MCC: variants seen among roughly 807,000 people sequenced by gnomAD.
MCC encodes colorectal mutant cancer protein.
Under a neutral mutation model 116.2 loss-of-function variants are expected in MCC, and 90 were observed. The ratio of observed to expected loss-of-function variants is 0.77; its 90% CI spans 0.65 to 0.92. The LOEUF (loss-of-function observed/expected upper bound fraction) is 0.92, where lower values mean the gene tolerates loss of function less well. Among genes scored for constraint, MCC ranks in the 40% least tolerant of loss-of-function variants. MCC has a pLI of 0.00. For missense variants in MCC, 1,516 were observed against 1,312.2 expected (o/e 1.16, Z -2.40); for synonymous variants, 578 against 510.5 (o/e 1.13, Z -1.78).
chr5:113,071,088 G>GCCTCGCGCTGTCTT lies in MCC; in HGVS notation c.1925+5_1925+6insAAGACAGCGCGAGG, dbSNP rs11283943. The GCCTCGCGCTGTCTT allele has an allele frequency of 0.34, 536,220 of 1,599,818 alleles. 92,075 individuals carry two copies. The highest frequency in any genetic ancestry group is 0.35 in the South Asian group (31,680 of 89,462). ...AGTAGCTCCAAACATCCCAGTGTGT[G>GCCTCGCGCTGTCTT]CCTACCTGTACTGCAAGGCCAGCCT... is the stretch of plus-strand genomic sequence containing the variant. On this transcript the variant is annotated splice_donor_region_variant and intron_variant, in intron 12 of 18. Transcript: ENST00000408903.
At chr5:113,295,327 T>G (rs992403314) in intron 3 of MCC, among the ~76,000 whole-genome samples, 1 of 152,170 alleles carries the variant, frequency 6.6e-6, no homozygotes, top group African/African-American at 2.4e-5. Flanking sequence ...TGCAGGGCAG[T>G]CATTTTCCCT....
chr5:113,049,340 T>A, intron 15 of MCC, 41 bp from the exon 16 acceptor site: 1 of 1,481,038 alleles, frequency 6.8e-7, no homozygotes, highest in Non-Finnish European at 9.1e-7. Context: ...GCATGCCCTA[T>A]CTGAGAGCAG....
At chr5:113,112,775 CTACA>C (rs1304837046) in intron 6 of MCC, among the ~76,000 whole-genome samples, 19 of 152,164 alleles carry the variant, frequency 1.2e-4, no homozygotes, top group Non-Finnish European at 2.5e-4. Flanking sequence ...AACATGTGCT[CTACA>C]AACACTGGAT....
intron 11 of MCC, among the ~76,000 whole-genome samples, chr5:113,078,391 T>C (rs187905615): frequency 5.9e-5 from 9 of 152,300 alleles, no homozygotes; most frequent in East Asian, 5.8e-4. Context: ...CTGATGAACA[T>C]TGATGCAAAG....
At chr5:113,393,185 C>T (rs1769444153) in intron 1 of MCC, among the ~76,000 whole-genome samples, 1 of 152,110 alleles carries the variant, frequency 6.6e-6, no homozygotes, top group Non-Finnish European at 1.5e-5. Context: ...GCTTGACATG[C>T]ATTTGTAATG....
chr5:113,030,958 T>C (rs1038511731), intron 17 of MCC, among the ~76,000 whole-genome samples: 1 of 152,232 alleles, frequency 6.6e-6, no homozygotes, highest in East Asian at 1.9e-4. Context: ...GTTAGAGTCA[T>C]GTAGGAACGG....
intron 1 of MCC, chr5:113,435,694 T>C (rs1014558504): frequency 1.3e-5 from 2 of 152,406 alleles, no homozygotes; most frequent in East Asian, 1.9e-4. Context: ...TCTCTTCCCT[T>C]GTCTGAGCCT....
At chr5:113,110,284 A>C (rs943100950) in intron 6 of MCC, among the ~76,000 whole-genome samples, 2 of 152,344 alleles carry the variant, frequency 1.3e-5, no homozygotes, top group Admixed American at 1.3e-4. Flanking sequence ...CGGTGACTGG[A>C]TCAGGGAAAG....
intron 3 of MCC, among the ~76,000 whole-genome samples, chr5:113,245,497 T>A (rs1764540657): frequency 6.6e-6 from 1 of 151,934 alleles, no homozygotes; most frequent in Non-Finnish European, 1.5e-5. Flanking sequence ...TAGAATTTAG[T>A]CCTTGCCACA....
At chr5:113,111,544 T>C (rs1298198252) in intron 6 of MCC, among the ~76,000 whole-genome samples, 11 of 152,250 alleles carry the variant, frequency 7.2e-5, no homozygotes, top group African/African-American at 2.7e-4. Flanking sequence ...CTTATTTTTA[T>C]TAATCTGCCT....
At chr5:113,246,763 T>A (rs1485646687) in intron 3 of MCC, among the ~76,000 whole-genome samples, 1 of 152,244 alleles carries the variant, frequency 6.6e-6, no homozygotes, top group Admixed American at 6.5e-5. Flanking sequence ...GTGTTACTTC[T>A]GTAAAGCACT....
intron 5 of MCC, among the ~76,000 whole-genome samples, chr5:113,124,406 T>C (rs1227641244): frequency 6.6e-6 from 1 of 152,216 alleles, no homozygotes; most frequent in Non-Finnish European, 1.5e-5. Context: ...GATGAATAAA[T>C]TACCTTTGTT....
At chr5:113,349,597 G>A (rs1353279150) in intron 2 of MCC, among the ~76,000 whole-genome samples, 1 of 152,006 alleles carries the variant, frequency 6.6e-6, no homozygotes, top group Non-Finnish European at 1.5e-5. Context: ...CATACTAAAT[G>A]GGGAAAAATT....
intron 5 of MCC, among the ~76,000 whole-genome samples, chr5:113,140,018 C>G (rs1027488495): frequency 1.3e-5 from 2 of 152,156 alleles, no homozygotes; most frequent in Non-Finnish European, 2.9e-5. Flanking sequence ...TATTTGCAAA[C>G]TATGCATCAA....
At chr5:113,301,234 G>C (rs1005895291) in intron 3 of MCC, among the ~76,000 whole-genome samples, 3 of 152,244 alleles carry the variant, frequency 2.0e-5, no homozygotes, top group African/African-American at 4.8e-5. Context: ...GGGAGGCCAA[G>C]GCGGGTGGGT....
At chr5:113,344,068 C>T (rs753636306) in intron 2 of MCC, among the ~76,000 whole-genome samples, 5 of 152,174 alleles carry the variant, frequency 3.3e-5, no homozygotes, top group African/African-American at 4.8e-5. Context: ...AACACCACTC[C>T]TCCCGTACTC....
chr5:113,138,248 T>G (rs1284852847), intron 5 of MCC, among the ~76,000 whole-genome samples: 1 of 152,160 alleles, frequency 6.6e-6, no homozygotes, highest in African/African-American at 2.4e-5. Flanking sequence ...TGTCCTCAAG[T>G]GATCTGCCTG....
intron 1 of MCC, among the ~76,000 whole-genome samples, chr5:113,462,040 C>A (rs1258411163): frequency 6.6e-6 from 1 of 152,182 alleles, no homozygotes; most frequent in Non-Finnish European, 1.5e-5. Flanking sequence ...TGCCTGAGAA[C>A]CTTAGCCTGT....
At chr5:113,060,006 C>T (rs1483456370) in intron 14 of MCC, among the ~76,000 whole-genome samples, 1 of 152,182 alleles carries the variant, frequency 6.6e-6, no homozygotes, top group Non-Finnish European at 1.5e-5. Context: ...TTCATAGCCT[C>T]CTCAGCTTGC....
Sources: gnomAD v4.1 joint callset for allele counts (sites outside exome capture counted in the v4.1 genomes callset) on GRCh38, gnomAD v4.1.1 for gene constraint, MANE v1.5 for transcripts, NCBI Gene and HGNC (gene_info 2026-07-23, HGNC 2026-07-21) for gene names.